NRXN3: variants seen among roughly 807,000 people sequenced by gnomAD.
The protein encoded by NRXN3 is neurexin 3, also known as neurexin III.
A neutral mutation model predicts 137.6 loss-of-function variants in NRXN3; 32 were observed. The observed-to-expected ratio is 0.23, with a 90% CI of 0.18 to 0.31. NRXN3 has a LOEUF of 0.31. Among genes scored for constraint, NRXN3 ranks in the 10% least tolerant of loss-of-function variants. The pLI, the probability that NRXN3 is intolerant of heterozygous loss-of-function variation, is 1.00. For synonymous variants in NRXN3, 798 were observed against 784.5 expected (o/e 1.02, Z -0.29); for missense variants, 1,574 against 2,062.5 (o/e 0.76, Z 4.59).
chr14:79,264,280 G>C (rs1028284671), intron 15 of NRXN3, among the ~76,000 whole-genome samples: 1 of 151,964 alleles, frequency 6.6e-6, no homozygotes, highest in African/African-American at 2.4e-5. Context: ...GTAGAGACAG[G>C]GTTTCACCAT....
rs929923905 is a variant in NRXN3 at position 79,484,062 on chromosome 14, G to A, written c.3444+16660G>A. Among the ~76,000 whole-genome samples, 15 of 152,118 alleles carry A rather than the reference G, an allele frequency of 9.9e-5. 1 individual carries two copies. The highest frequency in any genetic ancestry group is 3.4e-4 in the African/African-American group (14 of 41,426). ...GGAGACTTTCTGTTGTTCCCATTGA[G>A]CCAGCTCTGCTGTCCCCACTGGTCA... On this transcript the variant is annotated intron_variant, in intron 16 of 20. Transcript: ENST00000335750.
intron 16 of NRXN3, among the ~76,000 whole-genome samples, chr14:79,569,069 A>G (rs2097574372): frequency 1.3e-5 from 2 of 152,222 alleles, no homozygotes; most frequent in East Asian, 1.9e-4. Flanking sequence ...TGACTTTAAG[A>G]TGTCAGGCAA....
intron 14 of NRXN3, among the ~76,000 whole-genome samples, chr14:78,987,774 A>G (rs573195727): frequency 6.6e-6 from 1 of 152,244 alleles, no homozygotes; most frequent in East Asian, 1.9e-4. Context: ...CCGAAGGAGA[A>G]CAGTGTGTTC....
chr14:79,376,579 A>G (rs1347339124), intron 15 of NRXN3, among the ~76,000 whole-genome samples: 1 of 152,152 alleles, frequency 6.6e-6, no homozygotes, highest in Non-Finnish European at 1.5e-5. Context: ...TTCCTGGCAT[A>G]GATGATGTCA....
intron 15 of NRXN3, among the ~76,000 whole-genome samples, chr14:79,157,708 T>C (rs147877651): frequency 1.3e-5 from 2 of 151,956 alleles, no homozygotes; most frequent in East Asian, 3.9e-4. Flanking sequence ...AAAATTCATA[T>C]TGATCACATC....
At chr14:79,684,291 A>G (rs1382342446) in intron 17 of NRXN3, among the ~76,000 whole-genome samples, 1 of 151,772 alleles carries the variant, frequency 6.6e-6, no homozygotes, top group Non-Finnish European at 1.5e-5. Flanking sequence ...AAGCCATTCA[A>G]CTAGAAACTG....
At chr14:78,175,172 A>G (rs541378933) in intron 1 of NRXN3, among the ~76,000 whole-genome samples, 4 of 150,170 alleles carry the variant, frequency 2.7e-5, no homozygotes, top group Non-Finnish European at 5.9e-5. Context: ...TGAAATTGGA[A>G]AACATTTTGC....
intron 16 of NRXN3, among the ~76,000 whole-genome samples, chr14:79,483,566 A>G (rs139817172): frequency 6.6e-6 from 1 of 152,178 alleles, no homozygotes; most frequent in Non-Finnish European, 1.5e-5. Context: ...TTTCTCTTTG[A>G]GGCATGCAGT....
intron 10 of NRXN3, among the ~76,000 whole-genome samples, chr14:78,854,261 A>G (rs139550390): frequency 1.3e-5 from 2 of 152,350 alleles, no homozygotes; most frequent in African/African-American, 4.8e-5. Context: ...GGCCTTGCCA[A>G]ACATGATTTG....
chr14:79,851,188 C>T (rs185015290), intron 20 of NRXN3, among the ~76,000 whole-genome samples: 55 of 152,166 alleles, frequency 3.6e-4, no homozygotes, highest in Non-Finnish European at 5.4e-4. Flanking sequence ...ACACTTAGAC[C>T]GGTTATGTTT....
chr14:78,237,239 G>GT (rs1198288539), intron 1 of NRXN3, among the ~76,000 whole-genome samples: 1 of 152,200 alleles, frequency 6.6e-6, no homozygotes, highest in Non-Finnish European at 1.5e-5. Flanking sequence ...AGTGACAACA[G>GT]TTTTTTATGG....
chr14:78,283,669 C>T (rs2074750888), intron 3 of NRXN3, among the ~76,000 whole-genome samples: 1 of 152,096 alleles, frequency 6.6e-6, no homozygotes, highest in Non-Finnish European at 1.5e-5. Flanking sequence ...CCACCACGCC[C>T]AGCAAATTTT....
At chr14:78,883,453 G>A (rs950889523) in intron 10 of NRXN3, among the ~76,000 whole-genome samples, 8 of 152,212 alleles carry the variant, frequency 5.3e-5, no homozygotes, top group Non-Finnish European at 8.8e-5. Flanking sequence ...TTTTAAAAGT[G>A]AAGGCACCGT....
chr14:79,589,188 G>A (rs2097783708), intron 16 of NRXN3, among the ~76,000 whole-genome samples: 1 of 152,156 alleles, frequency 6.6e-6, no homozygotes, highest in Admixed American at 6.5e-5. Context: ...CTGGGAGGTT[G>A]AGGCTACAGT....
chr14:79,378,385 G>T (rs1051377373), intron 15 of NRXN3, among the ~76,000 whole-genome samples: 2 of 152,170 alleles, frequency 1.3e-5, no homozygotes, highest in Non-Finnish European at 2.9e-5. Context: ...GACCACCGTG[G>T]GATCCCTCCT....
At chr14:78,778,679 T>TTTCC (rs1435292218) in intron 8 of NRXN3, among the ~76,000 whole-genome samples, 6 of 20,818 alleles carry the variant, frequency 2.9e-4, no homozygotes, top group African/African-American at 1.3e-3. Context: ...TCTCTTTTCT[T>TTTCC]TTCTTTCTTT....
At chr14:79,619,614 C>A (rs221501) in intron 16 of NRXN3, among the ~76,000 whole-genome samples, 48,757 of 151,704 alleles carry the variant, frequency 0.32, 9,365 homozygotes, top group African/African-American at 0.53. Context: ...TCTCAAAGTC[C>A]TAACAATCAG....
intron 16 of NRXN3, among the ~76,000 whole-genome samples, chr14:79,476,226 A>G (rs1263596961): frequency 6.6e-6 from 1 of 152,104 alleles, no homozygotes; most frequent in Non-Finnish European, 1.5e-5. Context: ...CCCACTCCAC[A>G]GAATCAGTTT....
chr14:78,260,580 T>C (rs2070528509), intron 2 of NRXN3, among the ~76,000 whole-genome samples: 1 of 152,184 alleles, frequency 6.6e-6, no homozygotes, highest in Non-Finnish European at 1.5e-5. Context: ...AGGGAGCCGG[T>C]GGGAGATAAT....
Sources: gnomAD v4.1 joint callset for allele counts (sites outside exome capture counted in the v4.1 genomes callset) on GRCh38, gnomAD v4.1.1 for gene constraint, MANE v1.5 for transcripts, NCBI Gene and HGNC (gene_info 2026-07-23, HGNC 2026-07-21) for gene names.